BLNK: variants seen among roughly 807,000 people sequenced by gnomAD.
BLNK encodes B-cell linker protein.
A neutral mutation model predicts 73.5 loss-of-function variants in BLNK; 29 were observed. The observed-to-expected ratio is 0.39, with a 90% CI of 0.29 to 0.54. BLNK has a LOEUF of 0.54. BLNK is among the 20% of genes least tolerant of loss of function. BLNK has a pLI of 0.61. For missense variants in BLNK, 460 were observed against 562.8 expected (o/e 0.82, Z 1.85); for synonymous variants, 176 against 200.8 (o/e 0.88, Z 1.04).
chr10:96,241,857 G>C (rs1842890613), intron 3 of BLNK, among the ~76,000 whole-genome samples: 1 of 151,830 alleles, frequency 6.6e-6, no homozygotes, highest in African/African-American at 2.4e-5. Flanking sequence ...GAGTAGCTGG[G>C]ACTACAGGTG....
In BLNK at chr10:96,247,016, G is replaced by C. The variant is rs1554907797; in HGVS notation, c.81C>G (p.Asn27Lys). ...QLQKMVHDIK[N>K]NEGGIMNKIK... ...TTTTATTCATTATTCCACCTTCATTGTTTTTAATATCATGGACCATCTTTT... is the reference window on the plus strand; with the variant it reads ...TTTTATTCATTATTCCACCTTCATTCTTTTTAATATCATGGACCATCTTTT... The change falls in exon 2 of 17, where the codon AAC becomes AAG. Residue 27 changes from asparagine (N) to lysine (K), a missense_variant. Coordinates refer to ENST00000224337, the MANE Select transcript of BLNK (RefSeq NM_013314.4). 1.9e-6 allele frequency: 3 copies of C among 1,607,518 alleles called. No homozygotes were observed. Among genetic ancestry groups the C allele is most frequent in the Non-Finnish European group, 2.6e-6 (3 of 1,176,212 alleles).
At chr10:96,254,281 A>G (rs1227245969) in intron 1 of BLNK, among the ~76,000 whole-genome samples, 2 of 152,160 alleles carry the variant, frequency 1.3e-5, no homozygotes, top group African/African-American at 4.8e-5. Context: ...ATTTTAGTCA[A>G]TGGTATGATG....
intron 7 of BLNK, 95 bp from the exon 8 acceptor site, chr10:96,215,484 AATG>A (rs2084044238): frequency 6.0e-6 from 7 of 1,173,436 alleles, no homozygotes; most frequent in Non-Finnish European, 8.5e-6. Flanking sequence ...CTCAGGGAAA[AATG>A]ATGACCAGAC....
chr10:96,197,086 C>A (rs2083486568), intron 15 of BLNK, 23 bp from the exon 16 acceptor site: 3 of 1,588,906 alleles, frequency 1.9e-6, no homozygotes, highest in African/African-American at 2.7e-5. Flanking sequence ...TTTTAAAAAA[C>A]ATAATTATGG....
intron 3 of BLNK, among the ~76,000 whole-genome samples, chr10:96,233,306 G>T (rs1252808966): frequency 3.3e-5 from 5 of 152,216 alleles, no homozygotes; most frequent in African/African-American, 7.2e-5. Context: ...GGTGAAAGTA[G>T]TGCATTAGCC....
Position 96,200,271 on chromosome 10 carries a change from C to A in BLNK, c.1012-113G>T, listed in dbSNP as rs2083595261. 1 of 698,226 alleles carries A rather than the reference C, an allele frequency of 1.4e-6. No individual in the cohort carries two copies. The highest frequency in any genetic ancestry group is 2.5e-6 in the Non-Finnish European group (1 of 403,440). The allele number at this position is 698,226 out of a possible 1,614,324, so 43.3% of individuals were successfully genotyped here. Reference sequence around the variant, plus strand: ...ATCAAGACAGGCCTCTACATTTACACCAATAATTTTAAGATGAGTTTTATT... The same window carrying A: ...ATCAAGACAGGCCTCTACATTTACAACAATAATTTTAAGATGAGTTTTATT... On this transcript the variant is annotated intron_variant, in intron 14 of 16. Transcript: ENST00000224337. This position sits in a 1 kb window ranked among gnomAD's most constrained non-coding sequence, Gnocchi z 4.3.
intron 16 of BLNK, among the ~76,000 whole-genome samples, chr10:96,193,012 C>A (rs1222161487): frequency 6.6e-6 from 1 of 152,138 alleles, no homozygotes; most frequent in Non-Finnish European, 1.5e-5. Flanking sequence ...GTTTGGATGA[C>A]TTCCAAGTAG....
intron 1 of BLNK, among the ~76,000 whole-genome samples, chr10:96,247,724 C>T (rs1843107626): frequency 6.6e-6 from 1 of 152,182 alleles, no homozygotes; most frequent in African/African-American, 2.4e-5. Context: ...TTGATCCCCT[C>T]CTGTAACCAA....
chr10:96,254,039 T>TA (rs1843405909), intron 1 of BLNK, among the ~76,000 whole-genome samples: 2 of 146,944 alleles, frequency 1.4e-5, no homozygotes, highest in Admixed American at 6.8e-5. Flanking sequence ...TAAAAAAAAT[T>TA]AAAAAAATAA....
intron 13 of BLNK, among the ~76,000 whole-genome samples, chr10:96,202,489 A>G (rs2083671659): frequency 6.6e-6 from 1 of 152,220 alleles, no homozygotes; most frequent in Admixed American, 6.5e-5. Context: ...GTTTTTGACA[A>G]CAGCAACCAG....
chr10:96,196,584 T>TA (rs1278626589), intron 16 of BLNK, among the ~76,000 whole-genome samples: 2 of 152,230 alleles, frequency 1.3e-5, no homozygotes, highest in Non-Finnish European at 2.9e-5. Context: ...AACTTGACCC[T>TA]AATTCTTACA....
Position 96,200,294 on chromosome 10 carries a change from A to C in BLNK, c.1012-136T>G. On this transcript the variant is annotated intron_variant, in intron 14 of 16. Transcript: ENST00000224337. The surrounding 1 kb of genome is among the most constrained non-coding windows in gnomAD (Gnocchi z 4.3). ...CACCAATAATTTTAAGATGAGTTTT[A>C]TTTTTCCTTTGATCAAACACAAGGA... The C allele has an allele frequency of 4.7e-6, 3 of 637,500 alleles. No individual in the cohort carries two copies. The highest frequency in any genetic ancestry group is 8.3e-6 in the Non-Finnish European group (3 of 359,836). 39.5% of individuals were successfully genotyped at this position (637,500 alleles called of 1,614,324 possible).
At chr10:96,199,818 G>T in intron 15 of BLNK, 1 of 243,626 alleles carries the variant, frequency 4.1e-6, no homozygotes, top group South Asian at 5.9e-5. Flanking sequence ...GAGGTCAGGA[G>T]TTCGAGAGCA....
chr10:96,261,697 A>AT (rs1476147107), intron 1 of BLNK, among the ~76,000 whole-genome samples: 3 of 151,840 alleles, frequency 2.0e-5, no homozygotes, highest in Admixed American at 6.6e-5. Context: ...TACAGAGTTC[A>AT]TTTTTTTCAA....
intron 13 of BLNK, chr10:96,203,813 G>A (rs1011793712): frequency 1.7e-5 from 6 of 353,672 alleles, no homozygotes; most frequent in Middle Eastern, 1.6e-3. Context: ...AAGGATGCAT[G>A]ATCAGTAAAA....
intron 1 of BLNK, among the ~76,000 whole-genome samples, chr10:96,254,683 G>A (rs1554910524): frequency 6.6e-6 from 1 of 151,984 alleles, no homozygotes; most frequent in Non-Finnish European, 1.5e-5. Flanking sequence ...GCTAACTTTT[G>A]TATTTTTAGT....
rs782099037 is a variant in BLNK at position 96,227,514 on chromosome 10, A to G, written c.257T>C (p.Met86Thr). ...GTCATCAGCGTTCTCCTCGGCGGGC[A>G]TCACGTACATCTCTGAGTCCGAGTG... is the stretch of plus-strand genomic sequence containing the variant. ...DEHSDSEMYV[M>T]PAEENADDSY... Residue 86 changes from methionine (M) to threonine (T), a missense_variant, in exon 5 of 17, where the codon ATG (methionine) becomes ACG (threonine). Physicochemically the swap from Met to Thr is moderately conservative, Grantham distance 81 (BLOSUM62 -1). Transcript: ENST00000224337. The G allele has an allele frequency of 5.0e-6, 8 of 1,614,222 alleles. No individual in the cohort carries two copies. The highest frequency in any genetic ancestry group is 6.8e-6 in the Non-Finnish European group (8 of 1,180,052).
Position 96,209,830 on chromosome 10 carries a change from G to A in BLNK, c.746+8C>T. The A allele has an allele frequency of 3.7e-6, 6 of 1,614,196 alleles. No individual in the cohort carries two copies. Among genetic ancestry groups the A allele is most frequent in the Non-Finnish European group, 5.1e-6 (6 of 1,180,024 alleles). On this transcript the variant is annotated splice_region_variant and intron_variant, in intron 9 of 16. Coordinates refer to ENST00000224337, the MANE Select transcript of BLNK (RefSeq NM_013314.4). ...TCTCAAAAGCTGCTTCCTGCAACAG[G>A]TACTTACCCGGCCCGTGGCAACGGG... is the stretch of plus-strand genomic sequence containing the variant.
intron 1 of BLNK, among the ~76,000 whole-genome samples, chr10:96,261,737 T>C (rs1843765031): frequency 6.6e-6 from 1 of 152,248 alleles, no homozygotes; most frequent in South Asian, 2.1e-4. Context: ...CCATTTTCTT[T>C]TTTGAAATTA....
Sources: allele counts gnomAD v4.1 joint callset (sites outside exome capture counted in the v4.1 genomes callset), GRCh38; gene constraint gnomAD v4.1.1; non-coding constraint Gnocchi (gnomAD v3.1); transcripts MANE v1.5; gene names NCBI Gene and HGNC (gene_info 2026-07-23, HGNC 2026-07-21).